DOCK3: variants seen among roughly 807,000 people sequenced by gnomAD.
DOCK3 encodes the protein dedicator of cytokinesis 3, also known as dedicator of cytokinesis protein 3.
Under a neutral mutation model 265.6 loss-of-function variants are expected in DOCK3, and 60 were observed. That is an observed-to-expected ratio of 0.23 (90% CI 0.18 to 0.28). DOCK3 has a LOEUF of 0.28. DOCK3 is among the 10% of genes least tolerant of loss of function. The pLI is 1.00. For missense variants in DOCK3, 1,981 were observed against 2,594.3 expected (o/e 0.76, Z 5.14); for synonymous variants, 881 against 938.0 (o/e 0.94, Z 1.11).
intron 2 of DOCK3, among the ~76,000 whole-genome samples, chr3:50,828,324 C>T (rs2044899675): frequency 6.6e-6 from 1 of 152,170 alleles, no homozygotes; most frequent in African/African-American, 2.4e-5. Context: ...ACATTTGTCC[C>T]TCTTGTCTTT....
chr3:50,711,890 A>G (rs559416304), intron 1 of DOCK3, among the ~76,000 whole-genome samples: 10 of 152,136 alleles, frequency 6.6e-5, no homozygotes, highest in South Asian at 2.1e-4. Context: ...CAGATTTTCT[A>G]TTTCTTCAGT....
At chr3:51,088,608 G>C (rs1343035556) in intron 7 of DOCK3, among the ~76,000 whole-genome samples, 1 of 152,052 alleles carries the variant, frequency 6.6e-6, no homozygotes, top group East Asian at 1.9e-4. Flanking sequence ...CTGCACTTAG[G>C]TCCCTAACTT....
rs752203493 is a variant in DOCK3 at position 51,160,665 on chromosome 3, G to A, written c.1000G>A (p.Val334Ile). The change falls in exon 12 of 53, where the codon GTA (valine) becomes ATA (isoleucine). Residue 334 changes from valine (V) to isoleucine (I), a missense_variant. This residue lies in a region of DOCK3 where 456 missense variants were observed against 539.0 expected (regional missense o/e 0.85). Transcript: ENST00000266037. ...GGATGTCCTACAGTCACTCACAGAA[G>A]TAAAGGAAGAAAAGGATTTTGTTCT... ...ILDVLQSLTE[V>I]KEEKDFVLKV... 1.4e-5 allele frequency: 23 copies of A among 1,612,894 alleles called. No individual in the cohort carries two copies. Among genetic ancestry groups the A allele is most frequent in the Non-Finnish European group, 1.8e-5 (21 of 1,179,474 alleles).
intron 37 of DOCK3, among the ~76,000 whole-genome samples, chr3:51,340,502 T>C (rs968210480): frequency 6.6e-6 from 1 of 152,170 alleles, no homozygotes; most frequent in Admixed American, 6.5e-5. Context: ...GGTCAATAAA[T>C]GGTTAGAAAT....
rs1352277278 is a variant in DOCK3 at position 51,383,590 on chromosome 3, G to A, written c.*2031G>A. Reference sequence around the variant, plus strand: ...GGTGGCACAAGAGGTAGGGAGGGGAGTATGGGTTCATTTGGCTTCGCATTA... The same window carrying A: ...GGTGGCACAAGAGGTAGGGAGGGGAATATGGGTTCATTTGGCTTCGCATTA... On this transcript the variant is annotated 3_prime_UTR_variant, in exon 53 of 53. Transcript: ENST00000266037. The A allele has an allele frequency of 6.6e-6, 1 of 152,302 alleles. No homozygotes were observed. Among genetic ancestry groups the A allele is most frequent in the African/African-American group, 2.4e-5 (1 of 41,440 alleles). 9.4% of individuals were successfully genotyped at this position (152,302 alleles called of 1,614,324 possible). A position where few individuals can be genotyped will look rare whatever the true frequency, so the allele number is the denominator to read the frequency against.
At chr3:50,918,289 T>C (rs2050238509) in intron 4 of DOCK3, among the ~76,000 whole-genome samples, 1 of 152,138 alleles carries the variant, frequency 6.6e-6, no homozygotes, top group Non-Finnish European at 1.5e-5. Flanking sequence ...ATGGGATGGC[T>C]GGGTCAAATG....
chr3:50,879,611 A>G (rs2047919847), intron 3 of DOCK3, among the ~76,000 whole-genome samples: 1 of 152,250 alleles, frequency 6.6e-6, no homozygotes, highest in Non-Finnish European at 1.5e-5. Context: ...CCAGTACAGG[A>G]GCACCCAGAT....
At chr3:50,882,195 T>C (rs7633959) in intron 3 of DOCK3, among the ~76,000 whole-genome samples, 24,264 of 152,000 alleles carry the variant, frequency 0.16, 2,343 homozygotes, top group African/African-American at 0.26. Context: ...CCATTCAGGA[T>C]ATAGGCATGG....
At chr3:50,728,764 C>T (rs953783816) in intron 1 of DOCK3, among the ~76,000 whole-genome samples, 1 of 149,722 alleles carries the variant, frequency 6.7e-6, no homozygotes, top group Non-Finnish European at 1.5e-5. Context: ...GCTCTGTTGC[C>T]CAGGCTGGAG....
chr3:51,335,051 A>G (rs1246820568), intron 35 of DOCK3, among the ~76,000 whole-genome samples: 2 of 152,154 alleles, frequency 1.3e-5, no homozygotes, highest in Non-Finnish European at 2.9e-5. Flanking sequence ...TGCTAACATG[A>G]AAGGAAACAG....
intron 3 of DOCK3, among the ~76,000 whole-genome samples, chr3:50,859,980 T>C (rs900105598): frequency 1.3e-5 from 2 of 152,148 alleles, no homozygotes; most frequent in African/African-American, 4.8e-5. Flanking sequence ...TTTCCCAGCT[T>C]AGAGGCAGCA....
chr3:50,844,679 C>T (rs2045997714), intron 3 of DOCK3, among the ~76,000 whole-genome samples: 1 of 152,152 alleles, frequency 6.6e-6, no homozygotes, highest in Non-Finnish European at 1.5e-5. Flanking sequence ...GTTATGACTA[C>T]ATACTAAAAT....
chr3:51,225,064 A>C (rs2090268808), intron 14 of DOCK3, among the ~76,000 whole-genome samples: 1 of 152,150 alleles, frequency 6.6e-6, no homozygotes, highest in South Asian at 2.1e-4. Flanking sequence ...ACTTGCAAAC[A>C]AAAAGAAGAA....
intron 5 of DOCK3, among the ~76,000 whole-genome samples, chr3:51,001,082 A>G (rs2078468292): frequency 6.6e-6 from 1 of 152,196 alleles, no homozygotes; most frequent in Non-Finnish European, 1.5e-5. Flanking sequence ...ATTTTGATCT[A>G]TTTCGAATAA....
At chr3:51,248,397 G>T (rs2078942267) in intron 22 of DOCK3, among the ~76,000 whole-genome samples, 1 of 152,260 alleles carries the variant, frequency 6.6e-6, no homozygotes, top group African/African-American at 2.4e-5. Context: ...GTTTCGCTGT[G>T]TTGGCCGGGC....
chr3:51,236,467 T>C (rs2078354068), intron 20 of DOCK3, 39 bp downstream of exon 20: 6 of 1,547,826 alleles, frequency 3.9e-6, no homozygotes, highest in African/African-American at 1.4e-5. Flanking sequence ...TATTAATTAT[T>C]CCTGTCATAT....
rs2090073492 is a variant in DOCK3 at position 51,221,072 on chromosome 3, G to A, written c.1253-4577G>A. On this transcript the variant is annotated intron_variant, in intron 14 of 52. Transcript: ENST00000266037. Reference sequence around the variant, plus strand: ...GTTTCTCCAGAGTCACTAGGATACAGGTCTTCAGAGGGTCAGACCTGTCAC... The same window carrying A: ...GTTTCTCCAGAGTCACTAGGATACAAGTCTTCAGAGGGTCAGACCTGTCAC... Among the ~76,000 whole-genome samples, 6 of 152,038 alleles carry A rather than the reference G, an allele frequency of 3.9e-5. No homozygotes were observed. In the South Asian group the frequency reaches 1.2e-3, roughly 32 times the overall value.
rs570558627 is a variant in DOCK3, at chr3:51,199,101, C to T, written c.1038-9673C>T. ...AACACCTCCGGTCTACAGCTCCCAG[C>T]GTCAGCGACACAGAAGACGGGTGAT... On this transcript the variant is annotated intron_variant, in intron 12 of 52. Coordinates refer to ENST00000266037, the MANE Select transcript of DOCK3 (RefSeq NM_004947.5). Among the ~76,000 whole-genome samples the T allele has an allele frequency of 7.9e-5, 12 of 152,290 alleles. No homozygotes were observed. In the South Asian group the frequency reaches 1.2e-3, roughly 16 times the overall value.
chr3:50,970,103 A>G (rs903758190), intron 5 of DOCK3, among the ~76,000 whole-genome samples: 1 of 149,462 alleles, frequency 6.7e-6, no homozygotes, highest in Non-Finnish European at 1.5e-5. Flanking sequence ...GAAAAGAAAA[A>G]AACTATGAAA....
Sources: gnomAD v4.1 joint callset for allele counts (sites outside exome capture counted in the v4.1 genomes callset) on GRCh38, gnomAD v4.1.1 for gene constraint, gnomAD v4.1.1 regional missense constraint, MANE v1.5 for transcripts, NCBI Gene and HGNC (gene_info 2026-07-23, HGNC 2026-07-21) for gene names.